Variants in HAUS3 observed in about 807,000 individuals in gnomAD.
HAUS3 encodes the protein HAUS augmin like complex subunit 3, also known as HAUS augmin-like complex subunit 3.
A neutral mutation model predicts 55.2 loss-of-function variants in HAUS3; 36 were observed. The observed-to-expected ratio is 0.65, with a 90% CI of 0.50 to 0.86. The LOEUF is 0.86. Ranked by LOEUF, HAUS3 falls within the 40% of genes least tolerant of loss-of-function variation. The pLI, the probability that HAUS3 is intolerant of heterozygous loss-of-function variation, is 0.00. For missense variants in HAUS3, 752 were observed against 671.5 expected (o/e 1.12, Z -1.33); for synonymous variants, 234 against 238.6 (o/e 0.98, Z 0.18).
intron 5 of HAUS3, among the ~76,000 whole-genome samples, chr4:2,234,067 A>G (rs1445722469): frequency 6.6e-6 from 1 of 152,158 alleles, no homozygotes; most frequent in Non-Finnish European, 1.5e-5. Flanking sequence ...GAAAAAAAAG[A>G]AGACTATCAA....
chr4:2,237,678 C>G (rs1734815505), intron 4 of HAUS3, among the ~76,000 whole-genome samples: 1 of 152,066 alleles, frequency 6.6e-6, no homozygotes, highest in East Asian at 1.9e-4. Context: ...CTTAACCTAC[C>G]TATATTACAG....
In HAUS3 at chr4:2,229,023, A is replaced by G; in HGVS notation, c.*2904T>C. On this transcript the variant is annotated 3_prime_UTR_variant, in exon 6 of 6. Transcript: ENST00000443786. ...GGCTTCATCTGTCTACATGCATTCC[A>G]TTTTCAATTCTTAGTCTTTAGAACA... The G allele has an allele frequency of 7.0e-7, 1 of 1,429,092 alleles. No individual in the cohort carries two copies. Among genetic ancestry groups the G allele is most frequent in the Non-Finnish European group, 9.6e-7 (1 of 1,045,492 alleles). The allele number at this position is 1,429,092 out of a possible 1,614,324, so 88.5% of individuals were successfully genotyped here.
At chr4:2,238,531 A>T in intron 4 of HAUS3, 73 bp downstream of exon 4, 1 of 976,748 alleles carries the variant, frequency 1.0e-6, no homozygotes, top group Non-Finnish European at 1.4e-6. Flanking sequence ...CCAAAATTTT[A>T]GCTCAAACTC....
At chr4:2,239,126 G>A in intron 3 of HAUS3, 83 bp from the exon 4 acceptor site, 3 of 683,988 alleles carry the variant, frequency 4.4e-6, no homozygotes, top group Non-Finnish European at 6.8e-6. Context: ...TTCCACTTTA[G>A]GTGACCAGAT....
intron 5 of HAUS3, among the ~76,000 whole-genome samples, chr4:2,235,523 T>C (rs1265824874): frequency 6.6e-6 from 1 of 152,340 alleles, no homozygotes; most frequent in East Asian, 1.9e-4. Flanking sequence ...TGGAATATCA[T>C]ATAATGGAAT....
At position 2,242,080 on chromosome 4, in the gene HAUS3, A is replaced by G; in HGVS notation, c.-448T>C. On this transcript the variant is annotated 5_prime_UTR_variant, in exon 1 of 6. Transcript: ENST00000443786. The stretch of plus-strand genomic sequence containing the variant: ...GGAAGTTCCGCTTGCTTCTCGCAGG[A>G]GCCCGCCGCCACCGCCCTCCGTGCC... The G allele has an allele frequency of 8.1e-6, 8 of 985,774 alleles. No homozygotes were observed. The highest frequency in any genetic ancestry group is 8.4e-6 in the Non-Finnish European group (7 of 830,190). The allele number at this position is 985,774 out of a possible 1,614,324, so 61.1% of individuals were successfully genotyped here. A position where few individuals can be genotyped will look rare whatever the true frequency, so the allele number is the denominator to read the frequency against.
rs1734565486 is a variant in HAUS3, at chr4:2,231,137, A to G, written c.*790T>C. On this transcript the variant is annotated 3_prime_UTR_variant, in exon 6 of 6. Coordinates refer to ENST00000443786, the MANE Select transcript of HAUS3 (RefSeq NM_001303143.2). ...CAAGGAAGTCCTAATACTCTGTGGT[A>G]CAAGTAGGGACATTAAAACAGCCTA... The G allele has an allele frequency of 6.6e-6, 1 of 152,220 alleles. No homozygotes were observed. Among genetic ancestry groups the G allele is most frequent in the Non-Finnish European group, 1.5e-5 (1 of 68,046 alleles). 9.4% of individuals were successfully genotyped at this position (152,220 alleles called of 1,614,324 possible).
In HAUS3 at chr4:2,233,282, T is replaced by C. The variant is rs182272280; in HGVS notation, c.1579-1122A>G. Among the ~76,000 whole-genome samples, 4 of 152,322 alleles carry C rather than the reference T, an allele frequency of 2.6e-5. No homozygotes were observed. In the East Asian group the frequency reaches 5.8e-4, roughly 22 times the overall value. On this transcript the variant is annotated intron_variant, in intron 5 of 5. Coordinates refer to ENST00000443786, the MANE Select transcript of HAUS3 (RefSeq NM_001303143.2). ...AGATCATACAGTTGCTAAAACAACA[T>C]TGCTACAGATACTGAAGTTCAGCTT...
In HAUS3 at chr4:2,229,302, G is replaced by A; in HGVS notation, c.*2625C>T. 38 of 1,314,514 alleles carry A rather than the reference G, an allele frequency of 2.9e-5. No homozygotes were observed. Among genetic ancestry groups the A allele is most frequent in the Middle Eastern group, 4.1e-4 (2 of 4,908 alleles). The allele number at this position is 1,314,514 out of a possible 1,614,324, so 81.4% of individuals were successfully genotyped here. A position where few individuals can be genotyped will look rare whatever the true frequency, so the allele number is the denominator to read the frequency against. ...ATATTAATCCTAAGACTATAAAACA[G>A]GAAATACAATTATTTTCAAAAATTT... On this transcript the variant is annotated 3_prime_UTR_variant, in exon 6 of 6. Coordinates refer to ENST00000443786, the MANE Select transcript of HAUS3 (RefSeq NM_001303143.2).
chr4:2,231,105 G>C lies in HAUS3; in HGVS notation c.*822C>G, dbSNP rs1048994259. 2.6e-5 allele frequency: 4 copies of C among 152,154 alleles called. No individual in the cohort carries two copies. Among genetic ancestry groups the C allele is most frequent in the African/African-American group, 9.7e-5 (4 of 41,438 alleles). 9.4% of individuals were successfully genotyped at this position (152,154 alleles called of 1,614,324 possible). On this transcript the variant is annotated 3_prime_UTR_variant, in exon 6 of 6. Coordinates refer to ENST00000443786, the MANE Select transcript of HAUS3 (RefSeq NM_001303143.2). ...GAATTCAGACTCTAAAATGAATGCA[G>C]GCAGGCCAAGGAAGTCCTAATACTC... is the stretch of plus-strand genomic sequence containing the variant.
rs1734923933 is a variant in HAUS3, at chr4:2,240,217, G to A, written c.730C>T (p.Gln244Ter). 1 of 1,613,766 alleles carries A rather than the reference G, an allele frequency of 6.2e-7. No homozygotes were observed. The highest frequency in any genetic ancestry group is 8.5e-7 in the Non-Finnish European group (1 of 1,179,778). ...TGATTATCACAAATAGATGGTGTCTGTATATCTAAAAGTTGAAAATTGTCT... is the reference window on the plus strand; with the variant it reads ...TGATTATCACAAATAGATGGTGTCTATATATCTAAAAGTTGAAAATTGTCT... Reference protein sequence around the residue: ...NEDNFQLLDIQTPSICDNQEI... With the variant: ...NEDNFQLLDI The change falls in exon 3 of 6, where the codon CAG becomes TAG. Residue 244 changes from glutamine (Q) to a stop codon, truncating the protein, a stop_gained. Coordinates refer to ENST00000443786, the MANE Select transcript of HAUS3 (RefSeq NM_001303143.2). LOFTEE classifies it high-confidence loss of function.
At position 2,230,003 on chromosome 4, in the gene HAUS3, A is replaced by G. The variant is rs1734524178; in HGVS notation, c.*1924T>C. The G allele has an allele frequency of 6.6e-6, 1 of 152,188 alleles. No individual in the cohort carries two copies. The highest frequency in any genetic ancestry group is 2.4e-5 in the African/African-American group (1 of 41,432). The allele number at this position is 152,188 out of a possible 1,614,324, so 9.4% of individuals were successfully genotyped here. ...GGTTTGGGTGGGGACAGTATAAATC[A>G]AGCATCTGGGCAGGGGCATGGTGGC... is the stretch of plus-strand genomic sequence containing the variant. On this transcript the variant is annotated 3_prime_UTR_variant, in exon 6 of 6. Transcript: ENST00000443786.
chr4:2,233,205 T>C (rs1172470245), intron 5 of HAUS3, among the ~76,000 whole-genome samples: 1 of 152,178 alleles, frequency 6.6e-6, no homozygotes, highest in Non-Finnish European at 1.5e-5. Flanking sequence ...CTTGGTAAAC[T>C]TGAATATACT....
rs752526459 is a variant in HAUS3 at position 2,236,352 on chromosome 4, A to T, written c.1454T>A (p.Val485Glu). 6 of 1,613,050 alleles carry T rather than the reference A, an allele frequency of 3.7e-6. No homozygotes were observed. Among genetic ancestry groups the T allele is most frequent in the Non-Finnish European group, 2.5e-6 (3 of 1,179,074 alleles). ...AEKLKQNISL[V>E]QDQLAVSAQE... Reference sequence around the variant, plus strand: ...AGCAGATACTGCCAACTGATCTTGTACTAAAGAAATATTCTGTTTCAATTT... The same window carrying T: ...AGCAGATACTGCCAACTGATCTTGTTCTAAAGAAATATTCTGTTTCAATTT... The change falls in exon 5 of 6, where the codon GTA becomes GAA. Residue 485 changes from valine to glutamate, a missense_variant. Physicochemically the swap from Val to Glu is moderately radical, Grantham distance 121. Coordinates refer to ENST00000443786, the MANE Select transcript of HAUS3 (RefSeq NM_001303143.2).
Position 2,232,065 on chromosome 4 carries a change from T to A in HAUS3, c.1674A>T (p.Lys558Asn), listed in dbSNP as rs998969883. 6.1e-5 allele frequency: 98 copies of A among 1,594,358 alleles called. No individual in the cohort carries two copies. The highest frequency in any genetic ancestry group is 8.3e-5 in the Non-Finnish European group (97 of 1,166,166). Residue 558 changes from lysine (K) to asparagine (N), a missense_variant, in exon 6 of 6, where the codon AAA becomes AAT. Physicochemically the swap from Lys to Asn is moderately conservative, Grantham distance 94. Coordinates refer to ENST00000443786, the MANE Select transcript of HAUS3 (RefSeq NM_001303143.2). ...DILADVKTKRKTLANNKLHQM... is the reference protein window; with the variant it reads ...DILADVKTKRNTLANNKLHQM... Reference sequence around the variant, plus strand: ...GATGTAATTTATTATTTGCCAAAGTTTTTCTTTTTGTCTTCACATCAGCAA... The same window carrying A: ...GATGTAATTTATTATTTGCCAAAGTATTTCTTTTTGTCTTCACATCAGCAA...
At position 2,231,890 on chromosome 4, in the gene HAUS3, A is replaced by G. The variant is rs1209751206; in HGVS notation, c.*37T>C. On this transcript the variant is annotated 3_prime_UTR_variant, in exon 6 of 6. Transcript: ENST00000443786. ...TATACACAGTCTTCTAATAAATAAA[A>G]GAGGACACGTAATAAAGATTCAGTT... The G allele has an allele frequency of 3.4e-6, 3 of 887,884 alleles. No individual in the cohort carries two copies. The highest frequency in any genetic ancestry group is 3.4e-5 in the African/African-American group (2 of 58,100). The allele number at this position is 887,884 out of a possible 1,614,324, so 55.0% of individuals were successfully genotyped here. A position where few individuals can be genotyped will look rare whatever the true frequency, so the allele number is the denominator to read the frequency against.
chr4:2,238,775 A>G lies in HAUS3; in HGVS notation c.1178T>C (p.Ile393Thr), dbSNP rs1254961110. Residue 393 changes from isoleucine to threonine, a missense_variant, in exon 4 of 6, where the codon ATT becomes ACT. Physicochemically the swap from Ile to Thr is moderately conservative, Grantham distance 89 (BLOSUM62 -1). Coordinates refer to ENST00000443786, the MANE Select transcript of HAUS3 (RefSeq NM_001303143.2). The part of the protein sequence containing the change: ...SFELLQLSYE[I>T]ELRKHRDIYR... ...TATGTCCCGATGCTTTCTTAATTCAATTTCATATGATAACTGTAGAAGTTC... is the reference window on the plus strand; with the variant it reads ...TATGTCCCGATGCTTTCTTAATTCAGTTTCATATGATAACTGTAGAAGTTC... The G allele has an allele frequency of 6.2e-7, 1 of 1,613,790 alleles. No individual in the cohort carries two copies. Among genetic ancestry groups the G allele is most frequent in the Non-Finnish European group, 8.5e-7 (1 of 1,179,842 alleles).
chr4:2,236,491 T>G (rs918086125), intron 4 of HAUS3, 35 bp from the exon 5 acceptor site: 1 of 1,432,066 alleles, frequency 7.0e-7, no homozygotes, highest in Admixed American at 1.7e-5. Context: ...AGGGAAAAAT[T>G]ATCAAGTCAG....
chr4:2,239,978 T>C, intron 3 of HAUS3, 60 bp downstream of exon 3: 1 of 1,310,822 alleles, frequency 7.6e-7, no homozygotes, highest in Non-Finnish European at 1.1e-6. Context: ...ACAGCAATAT[T>C]ATCTCCTCTA....
Sources: gnomAD v4.1 joint callset for allele counts (sites outside exome capture counted in the v4.1 genomes callset) on GRCh38, gnomAD v4.1.1 for gene constraint, MANE v1.5 for transcripts, NCBI Gene and HGNC (gene_info 2026-07-23, HGNC 2026-07-21) for gene names.